The following CCDC171 variants were observed in gnomAD, a reference collection of about 807,000 sequenced individuals.
CCDC171 encodes coiled-coil domain-containing protein 171.
CCDC171 carries 177 observed loss-of-function variants against 168.2 expected under a neutral mutation model. The observed-to-expected ratio is 1.05, with a 90% confidence interval of 0.93 to 1.19. CCDC171 has a LOEUF of 1.19. Ranked by LOEUF, CCDC171 falls within the 50% of genes most tolerant of loss-of-function variation. CCDC171 has a pLI of 0.00. For synonymous variants in CCDC171, 687 were observed against 540.8 expected (o/e 1.27, Z -3.75); for missense variants, 1,991 against 1,539.0 (o/e 1.29, Z -4.91).
intron 11 of CCDC171, among the ~76,000 whole-genome samples, chr9:15,720,619 A>G (rs2053416790): frequency 6.6e-6 from 1 of 152,232 alleles, no homozygotes; most frequent in African/African-American, 2.4e-5. Flanking sequence ...TTCAATGTGA[A>G]TATTTAAAAA....
rs569519810 is a variant in CCDC171, at chr9:15,573,849, C to T, written c.177+2090C>T. Among the ~76,000 whole-genome samples, 27 of 151,862 alleles carry T rather than the reference C, an allele frequency of 1.8e-4. No individual in the cohort carries two copies. In the East Asian group the frequency reaches 4.9e-3, roughly 27 times the overall value. On this transcript the variant is annotated intron_variant, in intron 3 of 25. Transcript: ENST00000380701. ...GCCAAGGCAGGAGGATTGCTTGTGCCCGGGAGTTCGAGACCAGCCTGGGCC... is the reference window on the plus strand; with the variant it reads ...GCCAAGGCAGGAGGATTGCTTGTGCTCGGGAGTTCGAGACCAGCCTGGGCC...
chr9:16,053,290 G>A (rs1833781198), intron 1 of CCDC171, among the ~76,000 whole-genome samples: 1 of 152,222 alleles, frequency 6.6e-6, no homozygotes, highest in African/African-American at 2.4e-5. Flanking sequence ...CTGACTCTTG[G>A]GCAGCGCCCA....
At chr9:15,951,409 G>A (rs1390213255) in intron 25 of CCDC171, among the ~76,000 whole-genome samples, 1 of 152,096 alleles carries the variant, frequency 6.6e-6, no homozygotes, top group Middle Eastern at 3.2e-3. Context: ...CTACCATAAT[G>A]TTTTCTACAC....
chr9:15,761,222 C>G (rs1159772731), intron 18 of CCDC171, among the ~76,000 whole-genome samples: 1 of 152,152 alleles, frequency 6.6e-6, no homozygotes, highest in East Asian at 1.9e-4. Context: ...CCTGCTAGTA[C>G]AACTCAGAAC....
intron 1 of CCDC171, among the ~76,000 whole-genome samples, chr9:15,560,501 T>A (rs2039203070): frequency 6.6e-6 from 1 of 152,170 alleles, no homozygotes; most frequent in Non-Finnish European, 1.5e-5. Context: ...TGATACTCCT[T>A]CTTCCACTTG....
At chr9:15,865,404 G>A (rs1563898957) in intron 23 of CCDC171, among the ~76,000 whole-genome samples, 1 of 133,474 alleles carries the variant, frequency 7.5e-6, no homozygotes, top group Non-Finnish European at 1.6e-5. Flanking sequence ...GTGTATGTAT[G>A]TATATAAAGT....
chr9:15,866,688 T>A (rs939744560), intron 23 of CCDC171, among the ~76,000 whole-genome samples: 2 of 151,952 alleles, frequency 1.3e-5, no homozygotes, highest in African/African-American at 4.8e-5. Context: ...ACTAACATAA[T>A]ACTCTGGCAA....
intron 3 of CCDC171, among the ~76,000 whole-genome samples, chr9:15,994,069 C>A (rs55884042): frequency 0.077 from 11,706 of 152,138 alleles, 1,481 homozygotes; most frequent in African/African-American, 0.27. Flanking sequence ...ACCATTTGAC[C>A]CAGCCATCCC....
intron 3 of CCDC171, among the ~76,000 whole-genome samples, chr9:16,002,889 G>C (rs990724113): frequency 2.6e-5 from 4 of 152,158 alleles, no homozygotes; most frequent in Non-Finnish European, 5.9e-5. Flanking sequence ...ACAGTAACAT[G>C]CTGTAAAGAT....
the CCDC171 span, among the ~76,000 whole-genome samples, chr9:16,102,655 A>G: frequency 6.6e-6 from 1 of 152,122 alleles, no homozygotes; most frequent in African/African-American, 2.4e-5. Flanking sequence ...AAAGGGTCAG[A>G]AGATCTGTTT....
the CCDC171 span, among the ~76,000 whole-genome samples, chr9:16,080,384 C>G: frequency 6.6e-6 from 1 of 152,068 alleles, no homozygotes; most frequent in Non-Finnish European, 1.5e-5. Flanking sequence ...GTATTATATT[C>G]CAATATTTTA....
chr9:16,054,106 C>T (rs1170676784), intron 1 of CCDC171, among the ~76,000 whole-genome samples: 4 of 152,066 alleles, frequency 2.6e-5, no homozygotes, highest in Non-Finnish European at 5.9e-5. Flanking sequence ...CTCATGAGGC[C>T]ACGTATTTGA....
chr9:15,900,895 G>A (rs1341731), intron 24 of CCDC171, among the ~76,000 whole-genome samples: 42,824 of 152,000 alleles, frequency 0.28, 6,116 homozygotes, highest in Admixed American at 0.33. Flanking sequence ...CTAAGTACGG[G>A]AAGAGTCAAC....
chr9:15,986,800 C>G (rs1264693158), intron 3 of CCDC171, among the ~76,000 whole-genome samples: 1 of 152,022 alleles, frequency 6.6e-6, no homozygotes, highest in African/African-American at 2.4e-5. Flanking sequence ...AACACAGATT[C>G]TATAAGGATT....
At chr9:15,694,589 C>T (rs796630441) in intron 10 of CCDC171, among the ~76,000 whole-genome samples, 5 of 152,334 alleles carry the variant, frequency 3.3e-5, no homozygotes, top group African/African-American at 1.2e-4. Flanking sequence ...TAACTTAAAT[C>T]TTGGGATCAG....
At chr9:15,693,765 A>AT (rs1463549118) in intron 10 of CCDC171, among the ~76,000 whole-genome samples, 2 of 152,278 alleles carry the variant, frequency 1.3e-5, no homozygotes, top group African/African-American at 4.8e-5. Context: ...TACCTTTAAC[A>AT]TCAATCTTTA....
intron 24 of CCDC171, among the ~76,000 whole-genome samples, chr9:15,880,528 C>G (rs1300671079): frequency 1.0e-4 from 15 of 149,996 alleles, no homozygotes; most frequent in Non-Finnish European, 2.2e-4. Context: ...GTGATCTCGG[C>G]TCATTCCAAC....
chr9:16,038,877 A>AG (rs1833522750), upstream of CCDC171, among the ~76,000 whole-genome samples: 1 of 145,236 alleles, frequency 6.9e-6, no homozygotes, highest in Non-Finnish European at 1.5e-5. Flanking sequence ...AAAAAAAAAA[A>AG]AAAAAAAGCT....
At chr9:15,628,229 G>T (rs868726716) in intron 7 of CCDC171, among the ~76,000 whole-genome samples, 79 of 152,026 alleles carry the variant, frequency 5.2e-4, no homozygotes, top group African/African-American at 1.7e-3. Flanking sequence ...GCGAGGCATT[G>T]CCTTACTCGG....
Sources: gnomAD v4.1 joint callset for allele counts (sites outside exome capture counted in the v4.1 genomes callset) on GRCh38, gnomAD v4.1.1 for gene constraint, MANE v1.5 for transcripts, NCBI Gene and HGNC (gene_info 2026-07-23, HGNC 2026-07-21) for gene names.